The following CCDC180 variants were observed in gnomAD, a reference collection of about 807,000 sequenced individuals.
CCDC180 encodes coiled-coil domain containing 180, also known as coiled-coil domain-containing protein 180.
Under a neutral mutation model 209.2 loss-of-function variants are expected in CCDC180, and 154 were observed. The observed-to-expected ratio is 0.74, with a 90% CI of 0.65 to 0.84. The LOEUF is 0.84. Among genes scored for constraint, CCDC180 ranks in the 40% least tolerant of loss-of-function variants. The pLI is 0.00. For synonymous variants in CCDC180, 778 were observed against 749.1 expected (o/e 1.04, Z -0.63); for missense variants, 1,874 against 1,997.3 (o/e 0.94, Z 1.18).
chr9:97,342,716 A>C (rs768183895), intron 18 of CCDC180, among the ~76,000 whole-genome samples: 5 of 152,158 alleles, frequency 3.3e-5, no homozygotes, highest in Non-Finnish European at 7.3e-5. Flanking sequence ...TCTTTATTGA[A>C]TAGATCAACT....
chr9:97,368,902 C>T (rs1007434394), intron 31 of CCDC180, among the ~76,000 whole-genome samples: 1 of 152,088 alleles, frequency 6.6e-6, no homozygotes, highest in Non-Finnish European at 1.5e-5. Context: ...CAGCAGGAGA[C>T]CAGCAAAGAC....
At chr9:97,352,158 G>A (rs948065858) in intron 22 of CCDC180, among the ~76,000 whole-genome samples, 31 of 150,460 alleles carry the variant, frequency 2.1e-4, no homozygotes, top group African/African-American at 7.1e-4. Context: ...CAATAAAGAC[G>A]ATAAACAGAT....
chr9:97,331,062 A>G (rs143936293), intron 18 of CCDC180, among the ~76,000 whole-genome samples: 1 of 151,712 alleles, frequency 6.6e-6, no homozygotes, highest in African/African-American at 2.4e-5. Context: ...TTTTTTTCTG[A>G]TCCTCTCCCT....
Position 97,312,163 on chromosome 9 carries a change from T to C in CCDC180, c.311T>C (p.Ile104Thr), listed in dbSNP as rs780976038. Residue 104 changes from isoleucine (I) to threonine (T), a missense_variant, in exon 4 of 37, where the codon ATC becomes ACC. Coordinates refer to ENST00000529487, the MANE Select transcript of CCDC180 (RefSeq NM_020893.6). ...REKARESENTIAAREVRGLMD... is the reference protein window; with the variant it reads ...REKARESENTTAAREVRGLMD... ...AAAGCCCGAGAGAGTGAGAACACCATCGCTGCCCGAGAAGTGCGGGGTCTC... is the reference window on the plus strand; with the variant it reads ...AAAGCCCGAGAGAGTGAGAACACCACCGCTGCCCGAGAAGTGCGGGGTCTC... The C allele has an allele frequency of 1.2e-6, 2 of 1,614,060 alleles. No homozygotes were observed. The highest frequency in any genetic ancestry group is 4.5e-5 in the East Asian group (2 of 44,878).
rs748490070 is a variant in CCDC180 at position 97,325,127 on chromosome 9, G to C, written c.1480G>C (p.Val494Leu). The change falls in exon 14 of 37, where the codon GTG becomes CTG. Residue 494 changes from valine to leucine, a missense_variant. By Grantham distance (32) the Val-to-Leu change is conservative. Transcript: ENST00000529487. ...GGAGGCACACCAGAGCGAGCTGTTG[G>C]TGCAGGAGCTGGAGCTGGAGAAGAG... ...LWEAHQSELL[V>L]QELELEKRME... 1.9e-6 allele frequency: 3 copies of C among 1,613,050 alleles called. No individual in the cohort carries two copies. The highest frequency in any genetic ancestry group is 2.7e-5 in the African/African-American group (2 of 74,924).
intron 12 of CCDC180, 60 bp downstream of exon 12, chr9:97,322,981 C>G: frequency 7.1e-7 from 1 of 1,399,162 alleles, no homozygotes; most frequent in South Asian, 1.2e-5. Flanking sequence ...GAAGTGCCTT[C>G]CCTGGCCCCA....
chr9:97,343,642 G>A (rs1826159435), intron 19 of CCDC180, 79 bp downstream of exon 19: 1 of 1,004,512 alleles, frequency 1.0e-6, no homozygotes, highest in Admixed American at 2.5e-5. Context: ...AAAAAAAAAG[G>A]ATTGGGCTGG....
At chr9:97,317,271 G>T (rs769998027) in intron 9 of CCDC180, 43 bp downstream of exon 9, 29 of 1,473,094 alleles carry the variant, frequency 2.0e-5, no homozygotes, top group Non-Finnish European at 2.6e-5. Flanking sequence ...CCACCAGGGG[G>T]GCTGGCAAAG....
chr9:97,318,821 C>T (rs556398416), intron 10 of CCDC180, among the ~76,000 whole-genome samples: 24 of 152,208 alleles, frequency 1.6e-4, no homozygotes, highest in African/African-American at 5.8e-4. Context: ...AAACAATGAA[C>T]GGGGGTGAGG....
At chr9:97,333,513 T>G (rs1001430618) in intron 18 of CCDC180, among the ~76,000 whole-genome samples, 2 of 149,316 alleles carry the variant, frequency 1.3e-5, no homozygotes, top group South Asian at 4.2e-4. Context: ...GTTTTTTTTT[T>G]TTTTTTTTTT....
Position 97,317,175 on chromosome 9 carries a change from C to T in CCDC180, c.906C>T (p.Gly302=). ...QELDSRHRWQ[G]LVDTWKALKK... ...TGGACAGCCGCCACCGCTGGCAAGGCTTGGTGGACACCTGGAAGGCTCTCA... is the reference window on the plus strand; with the variant it reads ...TGGACAGCCGCCACCGCTGGCAAGGTTTGGTGGACACCTGGAAGGCTCTCA... The change falls in exon 9 of 37, where the codon GGC becomes GGT. Residue 302 remains glycine (G), a synonymous_variant. Coordinates refer to ENST00000529487, the MANE Select transcript of CCDC180 (RefSeq NM_020893.6). The T allele has an allele frequency of 6.2e-7, 1 of 1,612,862 alleles. No individual in the cohort carries two copies. The highest frequency in any genetic ancestry group is 8.5e-7 in the Non-Finnish European group (1 of 1,179,314).
At chr9:97,352,426 G>A (rs1826446468) in intron 22 of CCDC180, among the ~76,000 whole-genome samples, 1 of 152,122 alleles carries the variant, frequency 6.6e-6, no homozygotes, top group Non-Finnish European at 1.5e-5. Context: ...CTACAACTAT[G>A]CATCAGTTTC....
At chr9:97,362,818 G>T (rs925937581) in intron 28 of CCDC180, among the ~76,000 whole-genome samples, 1 of 152,206 alleles carries the variant, frequency 6.6e-6, no homozygotes, top group African/African-American at 2.4e-5. Flanking sequence ...CATATCAGAA[G>T]CCCCATGGCT....
chr9:97,323,041 A>G (rs1401869666), intron 12 of CCDC180, 120 bp downstream of exon 12: 5 of 717,074 alleles, frequency 7.0e-6, no homozygotes, highest in Non-Finnish European at 9.7e-6. Flanking sequence ...ACACCCACAC[A>G]CCCTTTAGCC....
chr9:97,366,528 C>T lies in CCDC180; in HGVS notation c.4048-31C>T. On this transcript the variant is annotated intron_variant, in intron 30 of 36. Coordinates refer to ENST00000529487, the MANE Select transcript of CCDC180 (RefSeq NM_020893.6). The surrounding 1 kb of genome is among the most constrained non-coding windows in gnomAD (Gnocchi z 4.3). ...GCAAGGGCCAGAGTCCCATGGAGTCCTCACCCGCACATGGTCACCCTCTCT... is the reference window on the plus strand; with the variant it reads ...GCAAGGGCCAGAGTCCCATGGAGTCTTCACCCGCACATGGTCACCCTCTCT... The T allele has an allele frequency of 6.2e-7, 1 of 1,609,538 alleles. No homozygotes were observed.
intron 28 of CCDC180, among the ~76,000 whole-genome samples, chr9:97,363,188 C>T (rs1211555858): frequency 2.0e-5 from 3 of 152,204 alleles, no homozygotes; most frequent in Non-Finnish European, 4.4e-5. Context: ...TGATTGGTTA[C>T]GGGACATGTT....
intron 35 of CCDC180, among the ~76,000 whole-genome samples, chr9:97,375,232 C>T (rs558063183): frequency 6.6e-6 from 1 of 152,200 alleles, no homozygotes; most frequent in Non-Finnish European, 1.5e-5. Flanking sequence ...CTTCCCCCCC[C>T]AGAACCCCAG....
At chr9:97,317,358 A>G in intron 9 of CCDC180, 130 bp downstream of exon 9, 2 of 807,908 alleles carry the variant, frequency 2.5e-6, no homozygotes, top group Non-Finnish European at 1.9e-6. Context: ...TTTTAAAGTT[A>G]GAAATAGATA....
intron 20 of CCDC180, among the ~76,000 whole-genome samples, chr9:97,348,119 CGGGG>C (rs5899305): frequency 6.8e-6 from 1 of 148,038 alleles, no homozygotes; most frequent in African/African-American, 2.5e-5. Flanking sequence ...TAATGCGGGG[CGGGG>C]GGGGGGCATG....
Sources: allele counts gnomAD v4.1 joint callset (sites outside exome capture counted in the v4.1 genomes callset), GRCh38; gene constraint gnomAD v4.1.1; non-coding constraint Gnocchi (gnomAD v3.1); transcripts MANE v1.5; gene names NCBI Gene and HGNC (gene_info 2026-07-23, HGNC 2026-07-21).